The following ADK variants were observed in gnomAD, a reference collection of about 807,000 sequenced individuals.
ADK encodes N6,N6-dimethyladenosine kinase.
Under a neutral mutation model 44.7 loss-of-function variants are expected in ADK, and 24 were observed. The observed-to-expected ratio is 0.54, with a 90% confidence interval of 0.39 to 0.76. The LOEUF (loss-of-function observed/expected upper bound fraction) is 0.76. Ranked by LOEUF, ADK falls within the 30% of genes least tolerant of loss-of-function variation. ADK has a pLI of 0.00. For synonymous variants in ADK, 128 were observed against 142.6 expected (o/e 0.90, Z 0.73); for missense variants, 321 against 425.1 (o/e 0.76, Z 2.15).
At chr10:74,170,932 C>T (rs1368131810) in intron 1 of ADK, among the ~76,000 whole-genome samples, 1 of 151,854 alleles carries the variant, frequency 6.6e-6, no homozygotes, top group Non-Finnish European at 1.5e-5. Flanking sequence ...ATCCTACTTT[C>T]CAGAGATAAC....
At chr10:74,304,528 C>G (rs1367640814) in intron 3 of ADK, among the ~76,000 whole-genome samples, 1 of 152,040 alleles carries the variant, frequency 6.6e-6, no homozygotes, top group Non-Finnish European at 1.5e-5. Context: ...AGTGGAATTT[C>G]TCTAAAAAGC....
chr10:74,530,447 G>A (rs987558568), intron 7 of ADK: 42 of 151,944 alleles, frequency 2.8e-4, no homozygotes, highest in African/African-American at 1.0e-3. Flanking sequence ...TCAGAGGATT[G>A]TACAGTAGTA....
At chr10:74,527,989 G>T in intron 7 of ADK, 1 of 795,590 alleles carries the variant, frequency 1.3e-6, no homozygotes, top group South Asian at 1.4e-5. Flanking sequence ...ATGGAAAAAG[G>T]CACCTGCAAG....
intron 1 of ADK, among the ~76,000 whole-genome samples, chr10:74,183,051 A>T (rs909436949): frequency 4.6e-5 from 7 of 152,110 alleles, no homozygotes; most frequent in African/African-American, 1.4e-4. Context: ...AGCAGCTGGG[A>T]GTAGTCCCAC....
At chr10:74,662,071 A>G (rs1424144596) in intron 9 of ADK, among the ~76,000 whole-genome samples, 2 of 152,196 alleles carry the variant, frequency 1.3e-5, no homozygotes, top group Non-Finnish European at 2.9e-5. Context: ...AGGTCTTTAT[A>G]TTGTCAGGGT....
At chr10:74,156,600 C>A (rs1484196495) in intron 1 of ADK, among the ~76,000 whole-genome samples, 1 of 152,110 alleles carries the variant, frequency 6.6e-6, no homozygotes, top group Non-Finnish European at 1.5e-5. Context: ...TTCCTGTGTC[C>A]AAAGTGTTTA....
At chr10:74,658,608 A>G (rs1214184004) in intron 9 of ADK, among the ~76,000 whole-genome samples, 1 of 151,754 alleles carries the variant, frequency 6.6e-6, no homozygotes, top group Non-Finnish European at 1.5e-5. Flanking sequence ...GCTGGCTTTT[A>G]ATTTTTTTTG....
intron 3 of ADK, among the ~76,000 whole-genome samples, chr10:74,264,512 GT>G (rs1200360568): frequency 2.0e-5 from 3 of 151,716 alleles, no homozygotes; most frequent in Non-Finnish European, 2.9e-5. Context: ...ATTTGCATGA[GT>G]TTTTTTTGTA....
At chr10:74,661,289 A>C in intron 9 of ADK, 4 of 965,520 alleles carry the variant, frequency 4.1e-6, no homozygotes, top group Non-Finnish European at 4.9e-6. Context: ...TTTTTTCAGG[A>C]AAATAGTAGC....
At chr10:74,210,457 T>A (rs1253457519) in intron 2 of ADK, among the ~76,000 whole-genome samples, 3 of 152,134 alleles carry the variant, frequency 2.0e-5, no homozygotes, top group African/African-American at 7.2e-5. Flanking sequence ...TTTATTAATC[T>A]GAGTATGCAT....
chr10:74,408,362 T>C (rs1409220329), intron 6 of ADK, among the ~76,000 whole-genome samples: 6 of 152,198 alleles, frequency 3.9e-5, no homozygotes, highest in South Asian at 4.1e-4. Flanking sequence ...CCTCGAACAA[T>C]GTATTCATTT....
At chr10:74,586,531 C>A (rs552797449) in intron 7 of ADK, among the ~76,000 whole-genome samples, 1 of 152,244 alleles carries the variant, frequency 6.6e-6, no homozygotes, top group Admixed American at 6.5e-5. Flanking sequence ...CAGCTCCATA[C>A]CATAACAGAT....
At chr10:74,369,540 T>G (rs1182210524) in intron 4 of ADK, among the ~76,000 whole-genome samples, 1 of 152,220 alleles carries the variant, frequency 6.6e-6, no homozygotes, top group Non-Finnish European at 1.5e-5. Context: ...AAAGAAAATT[T>G]GTGTGTTTAT....
intron 4 of ADK, among the ~76,000 whole-genome samples, chr10:74,363,651 A>C (rs1259592552): frequency 6.6e-6 from 1 of 152,002 alleles, no homozygotes; most frequent in Non-Finnish European, 1.5e-5. Flanking sequence ...TCCTGGTTGC[A>C]GCAGGAAAGG....
At chr10:74,662,554 T>C (rs1053072028) in intron 9 of ADK, among the ~76,000 whole-genome samples, 1 of 152,200 alleles carries the variant, frequency 6.6e-6, no homozygotes, top group East Asian at 1.9e-4. Flanking sequence ...GTGCTGGGAT[T>C]ATAGACATGA....
intron 10 of ADK, among the ~76,000 whole-genome samples, chr10:74,688,222 C>T (rs1855861451): frequency 6.6e-6 from 1 of 152,140 alleles, no homozygotes. Flanking sequence ...AAATGGGTCC[C>T]TTGACTAATA....
intron 7 of ADK, chr10:74,528,125 G>C (rs957164421): frequency 9.3e-7 from 1 of 1,074,164 alleles, no homozygotes; most frequent in African/African-American, 1.6e-5. Flanking sequence ...GAAGTGTCAT[G>C]ATCGAACAAA....
chr10:74,398,612 A>C (rs765086792), intron 6 of ADK, 33 bp downstream of exon 6: 1 of 1,227,070 alleles, frequency 8.1e-7, no homozygotes, highest in Non-Finnish European at 1.2e-6. Context: ...TCTCTAGTAC[A>C]TATTTACATG....
intron 7 of ADK, among the ~76,000 whole-genome samples, chr10:74,578,822 A>G (rs1228351733): frequency 6.6e-6 from 1 of 152,226 alleles, no homozygotes; most frequent in Non-Finnish European, 1.5e-5. Flanking sequence ...TCTTCAGAGC[A>G]TGTCAAATGT....
Sources: gnomAD v4.1 joint callset for allele counts (sites outside exome capture counted in the v4.1 genomes callset) on GRCh38, gnomAD v4.1.1 for gene constraint, MANE v1.5 for transcripts, NCBI Gene and HGNC (gene_info 2026-07-23, HGNC 2026-07-21) for gene names.